The following MRPL52 variants were observed in gnomAD, a reference collection of about 807,000 sequenced individuals.
MRPL52 encodes the protein large ribosomal subunit protein mL52.
In MRPL52, 19 loss-of-function variants were observed where a neutral mutation model predicts 22.1. The observed-to-expected ratio is 0.86, with a 90% CI of 0.60 to 1.26. The LOEUF (loss-of-function observed/expected upper bound fraction) is 1.26. Among genes scored for constraint, MRPL52 ranks in the 50% most tolerant of loss-of-function variants. The probability of loss-of-function intolerance (pLI) is 0.00; values close to 1 mark genes in which losing one functional copy is unlikely to be tolerated. For synonymous variants in MRPL52, 50 were observed against 57.5 expected, an observed-to-expected ratio of 0.87 and a Z score of 0.59; for missense variants, 152 against 148.1, an observed-to-expected ratio of 1.03 and a Z score of -0.14.
At chr14:22,831,506 T>A (rs1344687484) in intron 3 of MRPL52, 2 of 152,890 alleles carry the variant, frequency 1.3e-5, no homozygotes, top group Admixed American at 1.3e-4. Flanking sequence ...AGTTTCCATA[T>A]CTGTAAAAGA....
rs749755085 is a variant in MRPL52, at chr14:22,834,354, C to T, written c.*33C>T. The T allele has an allele frequency of 2.5e-6, 4 of 1,584,078 alleles. No homozygotes were observed. The highest frequency in any genetic ancestry group is 3.4e-6 in the Non-Finnish European group (4 of 1,167,442). ...CTCCTGCCTCCCTTCCTCACCCTGT[C>T]TCTGGATTTCTTTTCTATCACCTAG... On this transcript the variant is annotated 3_prime_UTR_variant, in exon 5 of 5. Coordinates refer to ENST00000397496, the MANE Select transcript of MRPL52 (RefSeq NM_180982.3).
intron 3 of MRPL52, chr14:22,830,539 C>A: frequency 2.1e-6 from 1 of 469,144 alleles, no homozygotes; most frequent in Non-Finnish European, 3.8e-6. Context: ...CTGCGTTTTT[C>A]AAAGGGGGAC....
chr14:22,830,162 C>T (rs2039571470), intron 2 of MRPL52, 25 bp from the exon 3 acceptor site: 1 of 1,614,104 alleles, frequency 6.2e-7, no homozygotes. Context: ...GCTAGGTCCT[C>T]ACAGATCTGT....
Position 22,834,188 on chromosome 14 carries a change from T to C in MRPL52, c.236T>C (p.Leu79Pro). Residue 79 changes from leucine (L) to proline (P), a missense_variant, in exon 5 of 5, where the codon CTG (leucine) becomes CCG (proline). Physicochemically the swap from Leu to Pro is moderately conservative, Grantham distance 98. Coordinates refer to ENST00000397496, the MANE Select transcript of MRPL52 (RefSeq NM_180982.3). ...RETFARRVVL[L>P]SQEMDAGLQA... ...CTGTTTCAGAGACGAGTTGTACTGC[T>C]GTCACAGGAAATGGACGCTGGATTA... 6.2e-7 allele frequency: 1 copy of C among 1,614,178 alleles called. No homozygotes were observed. Among genetic ancestry groups the C allele is most frequent in the Non-Finnish European group, 8.5e-7 (1 of 1,180,036 alleles).
At position 22,830,506 on chromosome 14, in the gene MRPL52, G is replaced by T; in HGVS notation, c.154+252G>T. ...GATAATTCTGACTTGGGGCCGCCAGGGTGGAAGGGGGTGACAAGACTTCTG... is the reference window on the plus strand; with the variant it reads ...GATAATTCTGACTTGGGGCCGCCAGTGTGGAAGGGGGTGACAAGACTTCTG... On this transcript the variant is annotated intron_variant, in intron 3 of 4. Coordinates refer to ENST00000397496, the MANE Select transcript of MRPL52 (RefSeq NM_180982.3). 13 of 520,200 alleles carry T rather than the reference G, an allele frequency of 2.5e-5. No homozygotes were observed. The South Asian group carries it at 3.4e-4, about 14-fold the overall frequency. 32.2% of individuals were successfully genotyped at this position (520,200 alleles called of 1,614,324 possible).
At chr14:22,830,865 A>C in intron 3 of MRPL52, 1 of 778,682 alleles carries the variant, frequency 1.3e-6, no homozygotes, top group Non-Finnish European at 2.0e-6. Flanking sequence ...GCACATGATC[A>C]TACAGCTAGG....
intron 3 of MRPL52, chr14:22,831,298 AG>A (rs1304603704): frequency 2.7e-6 from 1 of 372,526 alleles, no homozygotes; most frequent in African/African-American, 2.1e-5. Context: ...TTTAACTTTT[AG>A]TAGAGACAGG....
chr14:22,831,873 G>C (rs959175406), intron 3 of MRPL52: 1 of 152,202 alleles, frequency 6.6e-6, no homozygotes, highest in Non-Finnish European at 1.5e-5. Context: ...AGTATTCAGG[G>C]CCATGCATCT....
chr14:22,833,931 G>T (rs1462763924), intron 4 of MRPL52, among the ~76,000 whole-genome samples: 3 of 152,134 alleles, frequency 2.0e-5, no homozygotes, highest in Non-Finnish European at 4.4e-5. Flanking sequence ...CCAGCCAAAG[G>T]TTTTAATAGC....
At chr14:22,831,004 A>G (rs572253561) in intron 3 of MRPL52, 1 of 1,525,976 alleles carries the variant, frequency 6.6e-7, no homozygotes, top group African/African-American at 1.4e-5. Context: ...TGACTGAGGA[A>G]GATGGTGAAG....
chr14:22,833,193 G>T, intron 3 of MRPL52: 1 of 438,628 alleles, frequency 2.3e-6, no homozygotes, highest in Non-Finnish European at 4.1e-6. Context: ...ATAAATAAAT[G>T]AAATAAAATG....
intron 3 of MRPL52, chr14:22,831,110 T>TTTTTTTG (rs2039605627): frequency 1.8e-6 from 1 of 551,330 alleles, no homozygotes; most frequent in African/African-American, 3.3e-5. Context: ...TGACTGCTTT[T>TTTTTTTG]TTTTTTTTTT....
At chr14:22,832,736 G>A (rs58429310) in intron 3 of MRPL52, among the ~76,000 whole-genome samples, 51,378 of 151,818 alleles carry the variant, frequency 0.34, 8,847 homozygotes, top group East Asian at 0.44. Flanking sequence ...TAAATTAGCC[G>A]GGTGTGGTGG....
intron 3 of MRPL52, 40 bp downstream of exon 3, chr14:22,830,294 T>C: frequency 6.2e-7 from 1 of 1,610,096 alleles, no homozygotes; most frequent in Non-Finnish European, 8.5e-7. Flanking sequence ...TGGGGAGATT[T>C]TCACCTAGAG....
chr14:22,833,136 C>G, intron 3 of MRPL52: 1 of 247,406 alleles, frequency 4.0e-6, no homozygotes, highest in South Asian at 5.8e-5. Context: ...TGAGATTGCA[C>G]CACTGCACTC....
chr14:22,830,895 A>C, intron 3 of MRPL52: 3 of 1,118,298 alleles, frequency 2.7e-6, no homozygotes, highest in Non-Finnish European at 3.9e-6. Flanking sequence ...ATCCAGGACT[A>C]GAACATAGGC....
chr14:22,834,560 T>C lies in MRPL52; in HGVS notation c.*239T>C. 2.3e-6 allele frequency: 1 copy of C among 430,292 alleles called. No homozygotes were observed. Among genetic ancestry groups the C allele is most frequent in the Non-Finnish European group, 4.2e-6 (1 of 240,392 alleles). The allele number at this position is 430,292 out of a possible 1,614,324, so 26.7% of individuals were successfully genotyped here. A position where few individuals can be genotyped will look rare whatever the true frequency, so the allele number is the denominator to read the frequency against. ...TTAAAATTTTTACCTCCTAGCTGGG[T>C]GCGGTGGCTCACGCCTGTAATCCCA... is the stretch of plus-strand genomic sequence containing the variant. On this transcript the variant is annotated 3_prime_UTR_variant, in exon 5 of 5. Coordinates refer to ENST00000397496, the MANE Select transcript of MRPL52 (RefSeq NM_180982.3).
Position 22,830,051 on chromosome 14 carries a change from A to G in MRPL52, c.29-2A>G, listed in dbSNP as rs2039566572. The stretch of plus-strand genomic sequence containing the variant: ...CCCAACTCTGCTCTGTTCTCCCAGC[A>G]GGTGTCCGGAGGCTGCACTGCAGCG... On this transcript the variant is annotated splice_acceptor_variant, in intron 1 of 4. Coordinates refer to ENST00000397496, the MANE Select transcript of MRPL52 (RefSeq NM_180982.3). LOFTEE classifies it high-confidence loss of function. The G allele has an allele frequency of 2.5e-6, 4 of 1,613,934 alleles. No homozygotes were observed. The highest frequency in any genetic ancestry group is 3.3e-5 in the Admixed American group (2 of 60,004).
In MRPL52 at chr14:22,830,263, T is replaced by C. The variant is rs748049701; in HGVS notation, c.154+9T>C. ...AGACTGGTCATATGCGGGTAAGCGCTGATCTGGCAGTTAACTCCACTGGGG... is the reference window on the plus strand; with the variant it reads ...AGACTGGTCATATGCGGGTAAGCGCCGATCTGGCAGTTAACTCCACTGGGG... On this transcript the variant is annotated intron_variant, in intron 3 of 4. Coordinates refer to ENST00000397496, the MANE Select transcript of MRPL52 (RefSeq NM_180982.3). 2.5e-6 allele frequency: 4 copies of C among 1,614,212 alleles called. No homozygotes were observed. Among genetic ancestry groups the C allele is most frequent in the Non-Finnish European group, 2.5e-6 (3 of 1,180,012 alleles).
Sources: gnomAD v4.1 joint callset for allele counts (sites outside exome capture counted in the v4.1 genomes callset) on GRCh38, gnomAD v4.1.1 for gene constraint, MANE v1.5 for transcripts, NCBI Gene and HGNC (gene_info 2026-07-23, HGNC 2026-07-21) for gene names.